The following EYS variants were observed in gnomAD, a reference collection of about 807,000 sequenced individuals.
EYS encodes protein eyes shut homolog.
A neutral mutation model predicts 282.1 loss-of-function variants in EYS; 250 were observed. The observed-to-expected ratio is 0.89, with a 90% CI of 0.80 to 0.98. The LOEUF (loss-of-function observed/expected upper bound fraction) is 0.98. Ranked by LOEUF, EYS falls within the 50% of genes least tolerant of loss-of-function variation. The probability of loss-of-function intolerance (pLI) is 0.00; values close to 1 mark genes in which losing one functional copy is unlikely to be tolerated. For synonymous variants in EYS, 1,355 were observed against 1,282.9 expected, an observed-to-expected ratio of 1.06 and a Z score of -1.20; for missense variants, 4,016 against 3,709.0, an observed-to-expected ratio of 1.08 and a Z score of -2.15.
In EYS at chr6:65,690,116, G is replaced by A. The variant is rs528871124; in HGVS notation, c.-448+17019C>T. Among the ~76,000 whole-genome samples the A allele has an allele frequency of 3.7e-4, 56 of 150,224 alleles. 1 individual carries two copies. Among genetic ancestry groups the A allele is most frequent in the African/African-American group, 1.3e-3 (54 of 41,264 alleles). ...GTATGCAGAAGTACAGTATACAGAG[G>A]TAAGAATTTACAATATAGTGTGTGC... On this transcript the variant is annotated intron_variant, in intron 1 of 42. Coordinates refer to ENST00000503581, the MANE Select transcript of EYS (RefSeq NM_001142800.2).
At chr6:64,867,905 C>T (rs1195953341) in intron 19 of EYS, among the ~76,000 whole-genome samples, 1 of 151,426 alleles carries the variant, frequency 6.6e-6, no homozygotes, top group African/African-American at 2.4e-5. Context: ...TTTCATTAGA[C>T]AACTGACATT....
intron 12 of EYS, among the ~76,000 whole-genome samples, chr6:65,252,474 A>G (rs1767351347): frequency 6.6e-6 from 1 of 152,004 alleles, no homozygotes; most frequent in African/African-American, 2.4e-5. Context: ...AAACAAATCA[A>G]CTGCTTGCTA....
At chr6:64,081,322 C>T (rs1361326947) in intron 32 of EYS, among the ~76,000 whole-genome samples, 1 of 152,042 alleles carries the variant, frequency 6.6e-6, no homozygotes, top group Non-Finnish European at 1.5e-5. Context: ...TTATAGAGAC[C>T]TTTATGAGCA....
At chr6:64,147,796 C>T (rs1409328521) in intron 31 of EYS, among the ~76,000 whole-genome samples, 1 of 152,152 alleles carries the variant, frequency 6.6e-6, no homozygotes, top group Non-Finnish European at 1.5e-5. Flanking sequence ...ATTGTAGAAG[C>T]ATGTGTTTCT....
chr6:64,028,437 G>A (rs568606400), intron 33 of EYS, among the ~76,000 whole-genome samples: 59 of 152,352 alleles, frequency 3.9e-4, no homozygotes, highest in African/African-American at 1.4e-3. Flanking sequence ...TTGGAGAGTA[G>A]TGCAAGATCT....
At chr6:64,673,530 G>A (rs1005165866) in intron 22 of EYS, among the ~76,000 whole-genome samples, 2 of 152,066 alleles carry the variant, frequency 1.3e-5, no homozygotes, top group Non-Finnish European at 2.9e-5. Context: ...ACTTTTAAAA[G>A]TCACTGTCTA....
chr6:65,139,912 C>T (rs964516413), intron 12 of EYS, among the ~76,000 whole-genome samples: 1 of 152,054 alleles, frequency 6.6e-6, no homozygotes, highest in African/African-American at 2.4e-5. Context: ...CTTCCCCCAC[C>T]AGCAGTGTCA....
At chr6:65,044,089 A>C (rs1773025179) in intron 13 of EYS, among the ~76,000 whole-genome samples, 1 of 151,592 alleles carries the variant, frequency 6.6e-6, no homozygotes, top group African/African-American at 2.4e-5. Context: ...AGAGGAGTAA[A>C]GTGATATTTC....
intron 41 of EYS, among the ~76,000 whole-genome samples, chr6:63,747,801 G>A (rs1276721732): frequency 1.3e-5 from 2 of 151,932 alleles, no homozygotes; most frequent in Non-Finnish European, 2.9e-5. Flanking sequence ...CATTTGCTTG[G>A]TAAATGTTCC....
At chr6:65,511,933 C>T (rs962943562) in intron 2 of EYS, among the ~76,000 whole-genome samples, 23 of 143,460 alleles carry the variant, frequency 1.6e-4, no homozygotes, top group African/African-American at 6.0e-4. Context: ...TGCAGTGAGC[C>T]GAGATTATGC....
chr6:64,625,498 G>A (rs1767576961), intron 23 of EYS, among the ~76,000 whole-genome samples: 1 of 152,176 alleles, frequency 6.6e-6, no homozygotes, highest in African/African-American at 2.4e-5. Context: ...TTCTGGCTGT[G>A]TCCTCACATT....
chr6:64,777,385 A>C (rs2149990794), intron 22 of EYS, among the ~76,000 whole-genome samples: 1 of 152,208 alleles, frequency 6.6e-6, no homozygotes, highest in South Asian at 2.1e-4. Flanking sequence ...TGGAGTGTTG[A>C]ATCCAATAAA....
chr6:64,840,533 C>A (rs1412291688), intron 19 of EYS, among the ~76,000 whole-genome samples: 1 of 151,906 alleles, frequency 6.6e-6, no homozygotes, highest in African/African-American at 2.4e-5. Context: ...TTTCAAATTC[C>A]AAGGGAAAGA....
chr6:64,539,061 G>C (rs766806819), intron 26 of EYS, among the ~76,000 whole-genome samples: 17 of 152,262 alleles, frequency 1.1e-4, no homozygotes, highest in Non-Finnish European at 2.5e-4. Context: ...ATTGTCTTTT[G>C]TGACTGGCTT....
intron 26 of EYS, among the ~76,000 whole-genome samples, chr6:64,460,577 T>A (rs1775711827): frequency 6.6e-6 from 1 of 152,236 alleles, no homozygotes; most frequent in South Asian, 2.1e-4. Context: ...TCATATATGA[T>A]GAGATAGAAT....
intron 2 of EYS, among the ~76,000 whole-genome samples, chr6:65,594,549 G>A (rs1200090388): frequency 2.0e-5 from 3 of 151,828 alleles, no homozygotes; most frequent in Admixed American, 6.6e-5. Context: ...TTAGCCTGAC[G>A]TTCTTAAAAA....
At chr6:63,825,259 G>A (rs1055575222) in intron 36 of EYS, among the ~76,000 whole-genome samples, 6 of 152,118 alleles carry the variant, frequency 3.9e-5, no homozygotes, top group Admixed American at 2.0e-4. Flanking sequence ...CCTATACAAG[G>A]AGACTCTGAG....
At chr6:64,947,785 G>T (rs9453118) in intron 14 of EYS, among the ~76,000 whole-genome samples, 199 of 151,658 alleles carry the variant, frequency 1.3e-3, no homozygotes, top group African/African-American at 4.7e-3. Flanking sequence ...ATCAGCTGTG[G>T]TGAATGGGAG....
At chr6:65,432,377 A>C (rs1767918810) in intron 5 of EYS, among the ~76,000 whole-genome samples, 2 of 152,220 alleles carry the variant, frequency 1.3e-5, no homozygotes, top group African/African-American at 4.8e-5. Flanking sequence ...ACATAGGTAC[A>C]TACGTACACA....
Sources: allele counts gnomAD v4.1 joint callset (sites outside exome capture counted in the v4.1 genomes callset), GRCh38; gene constraint gnomAD v4.1.1; transcripts MANE v1.5; gene names NCBI Gene and HGNC (gene_info 2026-07-23, HGNC 2026-07-21).